SMOC2: variants seen among roughly 807,000 people sequenced by gnomAD.
The protein encoded by SMOC2 is SPARC-related modular calcium-binding protein 2.
Under a neutral mutation model 61.4 loss-of-function variants are expected in SMOC2, and 39 were observed. That is an observed-to-expected ratio of 0.64 (90% CI 0.49 to 0.83). SMOC2 has a LOEUF of 0.83. Among genes scored for constraint, SMOC2 ranks in the 40% least tolerant of loss-of-function variants. The pLI, the probability that SMOC2 is intolerant of heterozygous loss-of-function variation, is 0.00. For synonymous variants in SMOC2, 247 were observed against 239.9 expected (o/e 1.03, Z -0.27); for missense variants, 556 against 592.9 (o/e 0.94, Z 0.65).
At chr6:168,500,496 T>A (rs1782701867) in intron 1 of SMOC2, among the ~76,000 whole-genome samples, 1 of 151,988 alleles carries the variant, frequency 6.6e-6, no homozygotes, top group African/African-American at 2.4e-5. Context: ...ACGGAGGTGT[T>A]CTAGGGTCTC....
At chr6:168,492,325 C>G in intron 1 of SMOC2, among the ~76,000 whole-genome samples, 1 of 152,212 alleles carries the variant, frequency 6.6e-6, no homozygotes, top group East Asian at 1.9e-4. Flanking sequence ...ACAAGACACC[C>G]ACCTACCTTT....
chr6:168,627,031 G>T (rs115488249), intron 9 of SMOC2, among the ~76,000 whole-genome samples: 3 of 152,148 alleles, frequency 2.0e-5, no homozygotes, highest in Non-Finnish European at 4.4e-5. Flanking sequence ...CTTCAGAGAA[G>T]AGACACACTC....
chr6:168,596,570 C>A (rs1785340981), intron 7 of SMOC2, among the ~76,000 whole-genome samples: 1 of 152,164 alleles, frequency 6.6e-6, no homozygotes, highest in Non-Finnish European at 1.5e-5. Context: ...GCAGTTTCCG[C>A]CATCCTCAGC....
intron 7 of SMOC2, among the ~76,000 whole-genome samples, chr6:168,587,318 A>G (rs79995130): frequency 0.017 from 2,535 of 152,296 alleles, 64 homozygotes; most frequent in African/African-American, 0.057. Context: ...TATCTGTGAC[A>G]AGTCTCAGTC....
At chr6:168,568,330 G>A (rs1288240311) in intron 7 of SMOC2, among the ~76,000 whole-genome samples, 1 of 152,164 alleles carries the variant, frequency 6.6e-6, no homozygotes, top group Non-Finnish European at 1.5e-5. Flanking sequence ...TTTACTTTTA[G>A]AGAAAAAAAT....
intron 7 of SMOC2, among the ~76,000 whole-genome samples, chr6:168,557,742 C>A (rs1269906040): frequency 6.6e-6 from 1 of 152,104 alleles, no homozygotes; most frequent in Non-Finnish European, 1.5e-5. Flanking sequence ...GTTGACGTCA[C>A]CAGTTGCTCA....
intron 9 of SMOC2, among the ~76,000 whole-genome samples, chr6:168,618,084 G>A (rs1021037558): frequency 1.7e-4 from 26 of 152,230 alleles, no homozygotes; most frequent in African/African-American, 3.1e-4. Flanking sequence ...GTTATTAGCC[G>A]CAAGGCTGCC....
At chr6:168,606,451 G>A (rs927841223) in intron 8 of SMOC2, among the ~76,000 whole-genome samples, 1 of 152,206 alleles carries the variant, frequency 6.6e-6, no homozygotes, top group Admixed American at 6.5e-5. Flanking sequence ...GCCAAGGGTG[G>A]CAGGAATGTG....
chr6:168,587,949 T>C (rs1286072085), intron 7 of SMOC2, among the ~76,000 whole-genome samples: 1 of 150,302 alleles, frequency 6.7e-6, no homozygotes, highest in African/African-American at 2.4e-5. Flanking sequence ...CAACAGAAAT[T>C]CATTTCTCAT....
At chr6:168,558,797 G>A (rs1027247608) in intron 7 of SMOC2, among the ~76,000 whole-genome samples, 11 of 133,348 alleles carry the variant, frequency 8.2e-5, no homozygotes, top group East Asian at 4.1e-4. Context: ...GTGGGTGTGC[G>A]TGTGCGCATG....
At chr6:168,595,632 A>G (rs977632266) in intron 7 of SMOC2, among the ~76,000 whole-genome samples, 1 of 152,202 alleles carries the variant, frequency 6.6e-6, no homozygotes, top group African/African-American at 2.4e-5. Context: ...GCATTTCTCC[A>G]ATGAGTCTGA....
At chr6:168,551,742 C>T (rs1035546323) in intron 7 of SMOC2, among the ~76,000 whole-genome samples, 3 of 152,180 alleles carry the variant, frequency 2.0e-5, no homozygotes, top group Non-Finnish European at 4.4e-5. Context: ...GCGTGAGCCA[C>T]CATGCCAGGC....
In SMOC2 at chr6:168,453,518, GTCTC is replaced by G. The variant is rs934261235; in HGVS notation, c.84+12070_84+12073del. Among the ~76,000 whole-genome samples the G allele has an allele frequency of 3.3e-5, 5 of 151,520 alleles. No homozygotes were observed. Among genetic ancestry groups the G allele is most frequent in the African/African-American group, 1.2e-4 (5 of 41,172 alleles). ...CTCTCGCTCTCTTTTTTGTCTCTCT[GTCTC>G]TCTCTGTCTCTTTGTCTCTCTCTGT... On this transcript the variant is annotated intron_variant, in intron 1 of 12. Coordinates refer to ENST00000356284, the MANE Select transcript of SMOC2 (RefSeq NM_001166412.2). The surrounding 1 kb of genome is among the most constrained non-coding windows in gnomAD (Gnocchi z 4.4).
At chr6:168,647,891 C>T (rs1787083515) in intron 9 of SMOC2, among the ~76,000 whole-genome samples, 1 of 152,142 alleles carries the variant, frequency 6.6e-6, no homozygotes, top group Admixed American at 6.5e-5. Flanking sequence ...GATTGATTTG[C>T]TGCTTCTTGT....
At chr6:168,555,118 C>T (rs1388189372) in intron 7 of SMOC2, among the ~76,000 whole-genome samples, 1 of 152,234 alleles carries the variant, frequency 6.6e-6, no homozygotes, top group East Asian at 1.9e-4. Flanking sequence ...TCCCTGGGGC[C>T]AGCTCCCGGC....
intron 1 of SMOC2, among the ~76,000 whole-genome samples, chr6:168,487,319 C>T (rs1467095610): frequency 6.6e-6 from 1 of 152,092 alleles, no homozygotes; most frequent in Non-Finnish European, 1.5e-5. Context: ...ATGAATTAGT[C>T]AACTTGATTG....
At chr6:168,657,873 A>G (rs569081573) in intron 11 of SMOC2, among the ~76,000 whole-genome samples, 5 of 152,306 alleles carry the variant, frequency 3.3e-5, no homozygotes, top group Admixed American at 1.3e-4. Flanking sequence ...CAGAGTCCTC[A>G]TGATGCAGAC....
chr6:168,610,895 G>A (rs1785841053), intron 9 of SMOC2, among the ~76,000 whole-genome samples: 1 of 152,188 alleles, frequency 6.6e-6, no homozygotes, highest in Non-Finnish European at 1.5e-5. Context: ...ATCCTGTGTA[G>A]CAGAAATTCT....
intron 11 of SMOC2, among the ~76,000 whole-genome samples, chr6:168,660,182 TCTC>T (rs1787473273): frequency 6.6e-6 from 1 of 152,118 alleles, no homozygotes; most frequent in Admixed American, 6.5e-5. Context: ...ATACACCCAC[TCTC>T]CAAGGAACTG....
Sources: gnomAD v4.1 joint callset for allele counts (sites outside exome capture counted in the v4.1 genomes callset) on GRCh38, gnomAD v4.1.1 for gene constraint, Gnocchi (gnomAD v3.1) non-coding constraint, MANE v1.5 for transcripts, NCBI Gene and HGNC (gene_info 2026-07-23, HGNC 2026-07-21) for gene names.